The following FOXP1 variants were observed in gnomAD, a reference collection of about 807,000 sequenced individuals.
The protein encoded by FOXP1 is forkhead box protein P1.
A neutral mutation model predicts 98.2 loss-of-function variants in FOXP1; 15 were observed. The observed-to-expected ratio is 0.15, with a 90% CI of 0.10 to 0.24. The LOEUF is 0.24. FOXP1 is among the 10% of genes least tolerant of loss of function. The pLI is 1.00. For missense variants in FOXP1, 633 were observed against 848.5 expected (o/e 0.75, Z 3.15); for synonymous variants, 371 against 314.5 (o/e 1.18, Z -1.90).
chr3:70,977,170 T>C (rs989175998), intron 16 of FOXP1, 128 bp from the exon 17 acceptor site: 23 of 699,302 alleles, frequency 3.3e-5, no homozygotes, highest in Non-Finnish European at 4.9e-5. Flanking sequence ...TACAAAATGA[T>C]CTAAGATTAA....
intron 5 of FOXP1, among the ~76,000 whole-genome samples, chr3:71,212,495 T>TA (rs1260748676): frequency 6.6e-6 from 1 of 152,188 alleles, no homozygotes; most frequent in African/African-American, 2.4e-5. Flanking sequence ...TCATGGGTAT[T>TA]ACGCTTGTAG....
intron 2 of FOXP1, chr3:71,571,615 G>C (rs531353997): frequency 6.6e-6 from 1 of 152,266 alleles, no homozygotes; most frequent in Admixed American, 6.5e-5. Flanking sequence ...AAGTCAGTTA[G>C]CCAGGCTGAC....
intron 3 of FOXP1, among the ~76,000 whole-genome samples, chr3:71,433,390 G>T (rs2084912339): frequency 6.6e-6 from 1 of 152,180 alleles, no homozygotes; most frequent in Non-Finnish European, 1.5e-5. Flanking sequence ...CAGAGCAAGG[G>T]TTTCATGTGT....
intron 3 of FOXP1, among the ~76,000 whole-genome samples, chr3:71,474,419 A>G (rs1055517114): frequency 6.6e-6 from 1 of 152,186 alleles, no homozygotes; most frequent in Non-Finnish European, 1.5e-5. Context: ...TGAGTACCCT[A>G]GTTCAGGGGT....
At chr3:71,204,903 C>T (rs180688824) in intron 5 of FOXP1, among the ~76,000 whole-genome samples, 3 of 152,150 alleles carry the variant, frequency 2.0e-5, no homozygotes, top group African/African-American at 4.8e-5. Flanking sequence ...CCTCCTGACC[C>T]GGGTCCCATT....
At chr3:71,085,464 T>C (rs1489675806) in intron 7 of FOXP1, among the ~76,000 whole-genome samples, 1 of 151,954 alleles carries the variant, frequency 6.6e-6, no homozygotes, top group Admixed American at 6.6e-5. Context: ...CTTAGCTTTT[T>C]TTACTTCACC....
intron 2 of FOXP1, among the ~76,000 whole-genome samples, chr3:71,566,509 C>T (rs1266975694): frequency 1.3e-5 from 2 of 152,144 alleles, no homozygotes; most frequent in South Asian, 4.1e-4. Context: ...CATTTCCAGT[C>T]CCTGTAGTGT....
chr3:70,963,399 C>G (rs1476934866), intron 20 of FOXP1, among the ~76,000 whole-genome samples: 1 of 152,168 alleles, frequency 6.6e-6, no homozygotes, highest in Admixed American at 6.5e-5. Flanking sequence ...CTTCAAAGAA[C>G]AAAAGAGGAT....
chr3:71,102,344 G>T (rs1288317131), intron 7 of FOXP1, among the ~76,000 whole-genome samples: 1 of 152,086 alleles, frequency 6.6e-6, no homozygotes, highest in Non-Finnish European at 1.5e-5. Flanking sequence ...AAAAGTTCCC[G>T]ATCTTTTGTT....
rs979025307 is a variant in FOXP1 at position 71,277,837 on chromosome 3, A to G, written c.-12+21983T>C. ...ATTAATTAATTAATTAAATTTTTTT[A>G]GGGTTGAGGTCTCACTCTGTTGCCT... is the stretch of plus-strand genomic sequence containing the variant. On this transcript the variant is annotated intron_variant, in intron 5 of 20. Transcript: ENST00000649528. Among the ~76,000 whole-genome samples the G allele has an allele frequency of 5.3e-5, 8 of 151,770 alleles. No homozygotes were observed. The South Asian group carries it at 1.7e-3, about 32-fold the overall frequency.
intron 3 of FOXP1, among the ~76,000 whole-genome samples, chr3:71,463,125 G>A (rs1264970182): frequency 6.6e-6 from 1 of 152,100 alleles, no homozygotes; most frequent in Non-Finnish European, 1.5e-5. Context: ...CACTTTGGGA[G>A]GCTGAGGCAG....
intron 7 of FOXP1, among the ~76,000 whole-genome samples, chr3:71,064,320 C>G (rs2052033647): frequency 1.3e-5 from 2 of 152,194 alleles, no homozygotes; most frequent in Non-Finnish European, 1.5e-5. Flanking sequence ...AGATGGAAGG[C>G]TCCTTGTATA....
At chr3:71,031,446 T>C (rs2046853050) in intron 11 of FOXP1, among the ~76,000 whole-genome samples, 1 of 152,190 alleles carries the variant, frequency 6.6e-6, no homozygotes, top group African/African-American at 2.4e-5. Context: ...AGAACAAGCC[T>C]TGGGTATATA....
chr3:71,279,192 A>AAAAAAAAAAAAAAAAC (rs368277709), intron 5 of FOXP1, among the ~76,000 whole-genome samples: 16 of 139,430 alleles, frequency 1.1e-4, no homozygotes, highest in East Asian at 2.3e-4. Flanking sequence ...AAAAAAAAAA[A>AAAAAAAAAAAAAAAAC]AGAAAGAAAT....
intron 11 of FOXP1, among the ~76,000 whole-genome samples, chr3:71,034,741 G>A (rs1465486495): frequency 1.3e-5 from 2 of 152,076 alleles, no homozygotes; most frequent in East Asian, 1.9e-4. Context: ...TCTCTTGCCT[G>A]TGATCACAGA....
chr3:71,225,895 G>T (rs2065798073), intron 5 of FOXP1, among the ~76,000 whole-genome samples: 1 of 152,170 alleles, frequency 6.6e-6, no homozygotes, highest in South Asian at 2.1e-4. Flanking sequence ...TGGGCACGGG[G>T]GCCCAAGACG....
intron 3 of FOXP1, among the ~76,000 whole-genome samples, chr3:71,428,555 T>C (rs981599117): frequency 5.9e-5 from 9 of 152,236 alleles, no homozygotes; most frequent in African/African-American, 2.2e-4. Context: ...TAACAAGTCT[T>C]GTTCAGAGGC....
intron 2 of FOXP1, chr3:71,574,162 G>A (rs913043719): frequency 2.0e-5 from 3 of 152,030 alleles, no homozygotes; most frequent in East Asian, 3.9e-4. Flanking sequence ...TTTATTAGAC[G>A]AATATCCCCA....
At chr3:71,498,134 C>T (rs924924304) in intron 2 of FOXP1, among the ~76,000 whole-genome samples, 1 of 152,126 alleles carries the variant, frequency 6.6e-6, no homozygotes, top group East Asian at 1.9e-4. Context: ...GAGAGAGAAG[C>T]GTGGAATGCC....
Sources: gnomAD v4.1 joint callset for allele counts (sites outside exome capture counted in the v4.1 genomes callset) on GRCh38, gnomAD v4.1.1 for gene constraint, MANE v1.5 for transcripts, NCBI Gene and HGNC (gene_info 2026-07-23, HGNC 2026-07-21) for gene names.